DENND4A: variants seen among roughly 807,000 people sequenced by gnomAD.
DENND4A encodes the protein DENN domain containing 4A.
Under a neutral mutation model 199.3 loss-of-function variants are expected in DENND4A, and 70 were observed. That is an observed-to-expected ratio of 0.35 (90% CI 0.29 to 0.43). The LOEUF is 0.43. Among genes scored for constraint, DENND4A ranks in the 20% least tolerant of loss-of-function variants. The probability of loss-of-function intolerance (pLI) is 1.00; values close to 1 mark genes in which losing one functional copy is unlikely to be tolerated. For missense variants in DENND4A, 1,723 were observed against 2,255.8 expected, an observed-to-expected ratio of 0.76 and a Z score of 4.78; for synonymous variants, 686 against 766.9, an observed-to-expected ratio of 0.89 and a Z score of 1.74.
At position 65,741,032 on chromosome 15, in the gene DENND4A, T is replaced by C. The variant is rs534449666; in HGVS notation, c.631+683A>G. Among the ~76,000 whole-genome samples, 185 of 152,170 alleles carry C rather than the reference T, an allele frequency of 1.2e-3. 2 individuals carry two copies. The highest frequency in any genetic ancestry group is 4.3e-3 in the African/African-American group (178 of 41,504). On this transcript the variant is annotated intron_variant, in intron 5 of 32. Transcript: ENST00000443035. ...CTCTAAACACACACGTATATAAATG[T>C]ATATGTATATATGTATATATTTTTA...
chr15:65,712,101 C>T (rs1281550804), intron 14 of DENND4A, among the ~76,000 whole-genome samples: 1 of 152,086 alleles, frequency 6.6e-6, no homozygotes, highest in Non-Finnish European at 1.5e-5. Flanking sequence ...CCATCTTTTC[C>T]CTATTCCAAA....
At chr15:65,748,284 C>T (rs764239105) in intron 4 of DENND4A, among the ~76,000 whole-genome samples, 3 of 150,764 alleles carry the variant, frequency 2.0e-5, no homozygotes, top group Admixed American at 6.6e-5. Context: ...ACAAAATCCA[C>T]GCAAGATAGG....
chr15:65,771,312 T>C, intron 1 of DENND4A: 1 of 1,590,252 alleles, frequency 6.3e-7, no homozygotes, highest in African/African-American at 1.3e-5. Context: ...TGTCTTTCTT[T>C]CCAGCAGTTA....
In DENND4A at chr15:65,766,142, T is replaced by G. The variant is rs1008725614; in HGVS notation, c.-101-4704A>C. ...GGTGCACGCCTGTAGTCCCAGCTAC[T>G]CAGGAGGCTGAGGCAGGAGAATCAC... On this transcript the variant is annotated intron_variant, in intron 1 of 32. Transcript: ENST00000443035. Among the ~76,000 whole-genome samples the G allele has an allele frequency of 5.3e-5, 8 of 150,774 alleles. No individual in the cohort carries two copies. In the East Asian group the frequency reaches 1.6e-3, roughly 30 times the overall value.
At chr15:65,769,527 A>C (rs1596658941) in intron 1 of DENND4A, among the ~76,000 whole-genome samples, 1 of 152,210 alleles carries the variant, frequency 6.6e-6, no homozygotes, top group Admixed American at 6.5e-5. Flanking sequence ...ATACGCAAAT[A>C]AGCTCATGGC....
chr15:65,721,303 A>C (rs1383305287), intron 12 of DENND4A, among the ~76,000 whole-genome samples: 3 of 152,036 alleles, frequency 2.0e-5, no homozygotes, highest in African/African-American at 2.4e-5. Context: ...CTTATGAGCT[A>C]CTTTGGAATC....
In DENND4A at chr15:65,668,097, C is replaced by A; in HGVS notation, c.4814G>T (p.Cys1605Phe). 1 of 1,575,978 alleles carries A rather than the reference C, an allele frequency of 6.3e-7. No homozygotes were observed. The highest frequency in any genetic ancestry group is 2.1e-5 in the Admixed American group (1 of 47,250). The change falls in exon 28 of 33, where the codon TGC (cysteine) becomes TTC (phenylalanine). Residue 1605 changes from cysteine to phenylalanine, a missense_variant. Cys to Phe is a radical substitution (Grantham distance 205, BLOSUM62 -2). Coordinates refer to ENST00000443035, the MANE Select transcript of DENND4A (RefSeq NM_001320835.1). Reference protein sequence around the residue: ...NSKSKLQENFCTRSIQIPANR... With the variant: ...NSKSKLQENFFTRSIQIPANR... ...AGCAGGGATCTGAATACTTCGGGTG[C>A]AAAAATTTTCCTGCAGTTTAGATTT...
intron 5 of DENND4A, 116 bp from the exon 6 acceptor site, chr15:65,738,991 A>G (rs1596564435): frequency 1.4e-6 from 1 of 734,406 alleles, no homozygotes; most frequent in South Asian, 2.6e-5. Flanking sequence ...AGCATTATAT[A>G]TATGTTCATC....
At chr15:65,676,137 G>GAA (rs929892402) in intron 24 of DENND4A, among the ~76,000 whole-genome samples, 104 of 96,840 alleles carry the variant, frequency 1.1e-3, no homozygotes, top group African/African-American at 2.4e-3. Flanking sequence ...AAGTAATAAG[G>GAA]AAAAATATAT....
rs560636603 is a variant in DENND4A, at chr15:65,670,270, T to C, written c.4465-82A>G. ...AAAACCATTTCAATTCATAAATTCA[T>C]TGGATAATTAAAACCCAGAAGGATT... On this transcript the variant is annotated intron_variant, in intron 25 of 32. Coordinates refer to ENST00000443035, the MANE Select transcript of DENND4A (RefSeq NM_001320835.1). 1.1e-4 allele frequency: 136 copies of C among 1,206,300 alleles called. 1 individual carries two copies. The highest frequency in any genetic ancestry group is 2.3e-4 in the Admixed American group (7 of 30,904). 74.7% of individuals were successfully genotyped at this position (1,206,300 alleles called of 1,614,324 possible). A position where few individuals can be genotyped will look rare whatever the true frequency, so the allele number is the denominator to read the frequency against.
At chr15:65,764,862 C>T (rs1311601006) in intron 1 of DENND4A, among the ~76,000 whole-genome samples, 1 of 150,068 alleles carries the variant, frequency 6.7e-6, no homozygotes, top group Non-Finnish European at 1.5e-5. Flanking sequence ...GTCCCAGCTA[C>T]TTGGAAGGCT....
intron 24 of DENND4A, among the ~76,000 whole-genome samples, chr15:65,676,032 G>C (rs2076363732): frequency 2.0e-5 from 3 of 151,074 alleles, no homozygotes; most frequent in Admixed American, 2.0e-4. Context: ...CATTGCTATG[G>C]GATGATATAG....
At chr15:65,744,987 G>A (rs1234728857) in intron 4 of DENND4A, among the ~76,000 whole-genome samples, 1 of 152,174 alleles carries the variant, frequency 6.6e-6, no homozygotes, top group Non-Finnish European at 1.5e-5. Context: ...GAAGCCAAGT[G>A]TCTGAATATA....
At chr15:65,676,265 G>A (rs1010286605) in intron 24 of DENND4A, among the ~76,000 whole-genome samples, 180 bp downstream of exon 24, 2 of 151,484 alleles carry the variant, frequency 1.3e-5, no homozygotes, top group African/African-American at 4.8e-5. Context: ...GGATGAGGGA[G>A]TGGGGATGAA....
At chr15:65,688,612 C>A (rs1464001256) in intron 23 of DENND4A, among the ~76,000 whole-genome samples, 1 of 152,220 alleles carries the variant, frequency 6.6e-6, no homozygotes, top group Non-Finnish European at 1.5e-5. Flanking sequence ...TGTCCCATAA[C>A]TGTGCAGGTC....
rs1403269373 is a variant in DENND4A, at chr15:65,763,861, A to G, written c.-101-2423T>C. ...TCCCTGAAAAAATTTCAGGGAGTAA[A>G]TATGCAGTGGTAAATGTACTTTTCA... On this transcript the variant is annotated intron_variant, in intron 1 of 32. Coordinates refer to ENST00000443035, the MANE Select transcript of DENND4A (RefSeq NM_001320835.1). 2.0e-5 allele frequency among the ~76,000 whole-genome samples: 3 copies of G among 152,120 alleles called. No homozygotes were observed. In the East Asian group the frequency reaches 5.8e-4, roughly 29 times the overall value.
chr15:65,702,645 T>A, intron 16 of DENND4A, 134 bp from the exon 17 acceptor site: 4 of 922,636 alleles, frequency 4.3e-6, no homozygotes, highest in Non-Finnish European at 6.5e-6. Flanking sequence ...TTAATGCGTT[T>A]TCAAGTTTCT....
intron 18 of DENND4A, among the ~76,000 whole-genome samples, chr15:65,701,517 T>C (rs769499713): frequency 6.6e-6 from 1 of 152,078 alleles, no homozygotes. Flanking sequence ...CAGTGAACCA[T>C]GATTGTGCCA....
chr15:65,696,549 A>G, intron 21 of DENND4A, 52 bp from the exon 22 acceptor site: 3 of 1,391,116 alleles, frequency 2.2e-6, no homozygotes, highest in Non-Finnish European at 2.9e-6. Flanking sequence ...TATACACTGT[A>G]GGAGGTATCA....
Sources: allele counts gnomAD v4.1 joint callset (sites outside exome capture counted in the v4.1 genomes callset), GRCh38; gene constraint gnomAD v4.1.1; transcripts MANE v1.5; gene names NCBI Gene and HGNC (gene_info 2026-07-23, HGNC 2026-07-21).